PLXNA4: variants seen among roughly 807,000 people sequenced by gnomAD.
PLXNA4 encodes plexin-A4.
In PLXNA4, 44 loss-of-function variants were observed where a neutral mutation model predicts 191.8. The ratio of observed to expected loss-of-function variants is 0.23; its 90% CI spans 0.18 to 0.29. The LOEUF is 0.29. PLXNA4 is among the 10% of genes least tolerant of loss of function. The pLI, the probability that PLXNA4 is intolerant of heterozygous loss-of-function variation, is 1.00. For missense variants in PLXNA4, 1,800 were observed against 2,488.8 expected, an observed-to-expected ratio of 0.72 and a Z score of 5.89; for synonymous variants, 1,082 against 1,009.5, an observed-to-expected ratio of 1.07 and a Z score of -1.36.
chr7:132,438,490 A>G (rs1356334000), intron 3 of PLXNA4, among the ~76,000 whole-genome samples: 1 of 152,248 alleles, frequency 6.6e-6, no homozygotes, highest in Admixed American at 6.5e-5. Flanking sequence ...CATATTACCC[A>G]GTTAAACAGG....
chr7:132,597,859 C>CTCTCTCTA (rs10660880), intron 2 of PLXNA4, among the ~76,000 whole-genome samples: 116 of 145,364 alleles, frequency 8.0e-4, no homozygotes, highest in Middle Eastern at 3.5e-3. Context: ...CTCTCTCTCT[C>CTCTCTCTA]TATATATATA....
chr7:132,549,437 G>A (rs573598449), intron 1 of PLXNA4, among the ~76,000 whole-genome samples: 14 of 152,276 alleles, frequency 9.2e-5, no homozygotes, highest in Admixed American at 9.1e-4. Context: ...CATTGGAAGT[G>A]ATTCCAAACT....
chr7:132,647,741 C>G (rs1238339040), intron 1 of PLXNA4, among the ~76,000 whole-genome samples: 1 of 149,218 alleles, frequency 6.7e-6, no homozygotes, highest in Non-Finnish European at 1.5e-5. Flanking sequence ...TTCACACAAG[C>G]AATTACACAC....
At chr7:132,368,807 G>T (rs1232117025) in intron 3 of PLXNA4, among the ~76,000 whole-genome samples, 3 of 152,198 alleles carry the variant, frequency 2.0e-5, no homozygotes, top group African/African-American at 7.2e-5. Context: ...GTTGCCAGGT[G>T]AAATTTGCAG....
In PLXNA4 at chr7:132,434,103, C is replaced by T. The variant is rs114084275; in HGVS notation, c.1371+55189G>A. Among the ~76,000 whole-genome samples the T allele has an allele frequency of 2.5e-3, 384 of 152,326 alleles. 3 individuals carry two copies. The highest frequency in any genetic ancestry group is 8.3e-3 in the African/African-American group (346 of 41,572). On this transcript the variant is annotated intron_variant, in intron 3 of 31. Coordinates refer to ENST00000321063, the MANE Select transcript of PLXNA4 (RefSeq NM_020911.2). ...GCGCAGCCTTGCCTGACTCCAAGGA[C>T]GCTTCCCGCCTTTGGTTGCCCTTCC...
chr7:132,457,005 T>C lies in PLXNA4; in HGVS notation c.1371+32287A>G, dbSNP rs77698365. On this transcript the variant is annotated intron_variant, in intron 3 of 31. Coordinates refer to ENST00000321063, the MANE Select transcript of PLXNA4 (RefSeq NM_020911.2). ...TCTCCCATGTCACACAGACATAAGG[T>C]ATTTGGAGCTTTTTCTCTGGTACCT... Among the ~76,000 whole-genome samples the C allele has an allele frequency of 5.3e-3, 810 of 152,256 alleles. 9 individuals are homozygous for C. Among genetic ancestry groups the C allele is most frequent in the African/African-American group, 0.019 (772 of 41,540 alleles).
At chr7:132,192,299 A>T (rs955028567) in intron 14 of PLXNA4, among the ~76,000 whole-genome samples, 1 of 152,212 alleles carries the variant, frequency 6.6e-6, no homozygotes, top group African/African-American at 2.4e-5. Context: ...AGCCAGAACC[A>T]TCAAGTCATA....
intron 3 of PLXNA4, among the ~76,000 whole-genome samples, chr7:132,337,684 G>A (rs1220177234): frequency 6.6e-6 from 1 of 152,198 alleles, no homozygotes; most frequent in Non-Finnish European, 1.5e-5. Context: ...AGTTTTGGCA[G>A]GCTTGGCTTT....
chr7:132,604,769 T>C (rs532943688), intron 2 of PLXNA4, among the ~76,000 whole-genome samples: 1 of 152,322 alleles, frequency 6.6e-6, no homozygotes, highest in African/African-American at 2.4e-5. Flanking sequence ...CATTTCTCTG[T>C]ACAGATGCAG....
At chr7:132,339,182 A>G (rs1802929820) in intron 3 of PLXNA4, among the ~76,000 whole-genome samples, 1 of 152,104 alleles carries the variant, frequency 6.6e-6, no homozygotes, top group Non-Finnish European at 1.5e-5. Context: ...ACAAACTGAG[A>G]CTCCGCAAAA....
chr7:132,181,250 T>C, intron 18 of PLXNA4, 131 bp downstream of exon 18: 1 of 1,478,626 alleles, frequency 6.8e-7, no homozygotes, highest in South Asian at 1.3e-5. Context: ...TTTATCACAC[T>C]CTGGGCTACA....
At position 132,387,061 on chromosome 7, in the gene PLXNA4, C is replaced by A. The variant is rs566747814; in HGVS notation, c.1372-88839G>T. Among the ~76,000 whole-genome samples, 4 of 152,320 alleles carry A rather than the reference C, an allele frequency of 2.6e-5. No individual in the cohort carries two copies. The South Asian group carries it at 6.2e-4, about 24-fold the overall frequency. On this transcript the variant is annotated intron_variant, in intron 3 of 31. Transcript: ENST00000321063. ...CAATATCAAGTTGCTGTATACATTT[C>A]TAAATGCTCACTCTCAATGTCTGTA...
At chr7:132,582,804 CTGACCT>C (rs1018880726) in intron 2 of PLXNA4, among the ~76,000 whole-genome samples, 152 of 152,354 alleles carry the variant, frequency 1.0e-3, no homozygotes, top group African/African-American at 3.5e-3. Flanking sequence ...TATCATTCCT[CTGACCT>C]TGACCTCATT....
chr7:132,352,167 C>T (rs551319956), intron 3 of PLXNA4, among the ~76,000 whole-genome samples: 2 of 152,336 alleles, frequency 1.3e-5, no homozygotes, highest in African/African-American at 4.8e-5. Flanking sequence ...CTGCTGGCTG[C>T]CATCCCAGGG....
At chr7:132,539,204 A>G (rs991702225) in intron 1 of PLXNA4, among the ~76,000 whole-genome samples, 1 of 151,786 alleles carries the variant, frequency 6.6e-6, no homozygotes, top group South Asian at 2.1e-4. Context: ...CCCAAGTGAG[A>G]CTCTGTCCCT....
intron 31 of PLXNA4, 55 bp downstream of exon 31, chr7:132,132,994 T>G: frequency 6.3e-7 from 1 of 1,583,660 alleles, no homozygotes; most frequent in Non-Finnish European, 8.6e-7. Flanking sequence ...TGCAGGGTTG[T>G]CTTCATTCTC....
rs561945821 is a variant in PLXNA4 at position 132,644,625 on chromosome 7, C to T, written c.-87+1303G>A. On this transcript the variant is annotated intron_variant, in intron 2 of 4. Coordinates refer to the PLXNA4 transcript ENST00000378539. ...GACATTTGCTATCCCAGCCCCCTTTCAGCATTGGTTCCAGGGAAATAGATG... is the reference window on the plus strand; with the variant it reads ...GACATTTGCTATCCCAGCCCCCTTTTAGCATTGGTTCCAGGGAAATAGATG... Among the ~76,000 whole-genome samples the T allele has an allele frequency of 2.6e-5, 4 of 152,300 alleles. No individual in the cohort carries two copies. The East Asian group carries it at 5.8e-4, about 22-fold the overall frequency.
intron 3 of PLXNA4, among the ~76,000 whole-genome samples, chr7:132,482,614 T>C (rs1797382305): frequency 6.6e-6 from 1 of 152,004 alleles, no homozygotes; most frequent in Non-Finnish European, 1.5e-5. Context: ...CTGGAGTAGT[T>C]CACGGCAATC....
chr7:132,199,121 C>T (rs17804413), intron 12 of PLXNA4, among the ~76,000 whole-genome samples: 6,755 of 152,242 alleles, frequency 0.044, 217 homozygotes, highest in Non-Finnish European at 0.069. Flanking sequence ...TTCCAAGGTA[C>T]CTTCTTTGTG....
Sources: gnomAD v4.1 joint callset for allele counts (sites outside exome capture counted in the v4.1 genomes callset) on GRCh38, gnomAD v4.1.1 for gene constraint, MANE v1.5 for transcripts, NCBI Gene and HGNC (gene_info 2026-07-23, HGNC 2026-07-21) for gene names.